The following CPAMD8 variants were observed in gnomAD, a reference collection of about 807,000 sequenced individuals.
CPAMD8 encodes C3 and PZP like alpha-2-macroglobulin domain containing 8.
In CPAMD8, 146 loss-of-function variants were observed where a neutral mutation model predicts 224.7. The observed-to-expected ratio is 0.65, with a 90% CI of 0.57 to 0.75. The LOEUF (loss-of-function observed/expected upper bound fraction) is 0.75, where lower values mean the gene tolerates loss of function less well. Ranked by LOEUF, CPAMD8 falls within the 30% of genes least tolerant of loss-of-function variation. The probability of loss-of-function intolerance (pLI) is 0.00; values close to 1 mark genes in which losing one functional copy is unlikely to be tolerated. For missense variants in CPAMD8, 2,301 were observed against 2,537.5 expected, an observed-to-expected ratio of 0.91 and a Z score of 2.00; for synonymous variants, 966 against 1,044.6, an observed-to-expected ratio of 0.92 and a Z score of 1.45.
intron 17 of CPAMD8, among the ~76,000 whole-genome samples, chr19:16,974,691 G>A (rs1030403755): frequency 5.9e-5 from 9 of 152,110 alleles, no homozygotes; most frequent in African/African-American, 1.7e-4. Context: ...GGAAGGCTGG[G>A]TGCAATGGCT....
intron 9 of CPAMD8, among the ~76,000 whole-genome samples, chr19:17,001,440 G>A (rs2056317498): frequency 1.1e-5 from 1 of 94,766 alleles, no homozygotes; most frequent in Admixed American, 8.8e-5. Flanking sequence ...GGGGGAGAGG[G>A]GAACATGGTG....
intron 29 of CPAMD8, among the ~76,000 whole-genome samples, chr19:16,908,362 T>TAA (rs58694833): frequency 6.9e-6 from 1 of 144,812 alleles, no homozygotes; most frequent in Non-Finnish European, 1.5e-5. Context: ...GACCTCATCT[T>TAA]AAAAAAAAAA....
intron 18 of CPAMD8, among the ~76,000 whole-genome samples, chr19:16,966,597 A>T (rs559732933): frequency 8.1e-4 from 123 of 152,334 alleles, no homozygotes; most frequent in Middle Eastern, 3.4e-3. Context: ...TACCCATCGG[A>T]CAAAGCGCTA....
Position 16,952,039 on chromosome 19 carries a change from G to A in CPAMD8, c.2438C>T (p.Ala813Val). 6.3e-7 allele frequency: 1 copy of A among 1,583,824 alleles called. No homozygotes were observed. Among genetic ancestry groups the A allele is most frequent in the Non-Finnish European group, 8.6e-7 (1 of 1,163,342 alleles). The change falls in exon 20 of 42, where the codon GCT becomes GTT. Residue 813 changes from alanine (A) to valine (V), a missense_variant. Ala to Val is a moderately conservative substitution (Grantham distance 64, BLOSUM62 0). This residue lies in a region of CPAMD8 where 1,709 missense variants were observed against 1,753.2 expected (regional missense o/e 0.97). Transcript: ENST00000443236. ...GACCTGCTCCCCACGGATGATGAGAGCGGGGAGCATGAAGTCCACGAAGAA... is the reference window on the plus strand; with the variant it reads ...GACCTGCTCCCCACGGATGATGAGAACGGGGAGCATGAAGTCCACGAAGAA... ...KPFFVDFMLP[A>V]LIIRGEQVKI... is the part of the protein sequence containing the mutation.
At chr19:16,897,522 G>A (rs918668963) in intron 39 of CPAMD8, 169 bp downstream of exon 39, 1 of 552,886 alleles carries the variant, frequency 1.8e-6, no homozygotes, top group Non-Finnish European at 3.2e-6. Context: ...CTCCAGCCCC[G>A]CCTCCCCCGT....
At chr19:16,925,973 C>G (rs1872999291) in intron 25 of CPAMD8, among the ~76,000 whole-genome samples, 1 of 151,948 alleles carries the variant, frequency 6.6e-6, no homozygotes, top group Non-Finnish European at 1.5e-5. Context: ...GTTGGCCAGG[C>G]TGGTCTTGAA....
chr19:17,023,121 A>G (rs2057000769), intron 1 of CPAMD8, among the ~76,000 whole-genome samples: 1 of 152,200 alleles, frequency 6.6e-6, no homozygotes, highest in Admixed American at 6.6e-5. Flanking sequence ...TCAAACAAAA[A>G]GAGCTCTGAA....
chr19:16,964,382 C>T (rs1278624234), intron 18 of CPAMD8, among the ~76,000 whole-genome samples: 5 of 152,142 alleles, frequency 3.3e-5, no homozygotes, highest in Admixed American at 6.5e-5. Flanking sequence ...CACAGAAATA[C>T]AAACTACCAT....
In CPAMD8 at chr19:16,969,601, C is replaced by T. The variant is rs181958192; in HGVS notation, c.2213+1290G>A. On this transcript the variant is annotated intron_variant, in intron 18 of 41. Coordinates refer to ENST00000443236, the MANE Select transcript of CPAMD8 (RefSeq NM_015692.5). Reference sequence around the variant, plus strand: ...GGCCCTTATAAAAGGGACTCTAGGCCGGGTGCAGAGGCTCACGCCTGTAAT... The same window carrying T: ...GGCCCTTATAAAAGGGACTCTAGGCTGGGTGCAGAGGCTCACGCCTGTAAT... 5.3e-5 allele frequency among the ~76,000 whole-genome samples: 8 copies of T among 152,188 alleles called. No individual in the cohort carries two copies. The South Asian group carries it at 6.2e-4, about 12-fold the overall frequency.
chr19:16,976,084 G>C lies in CPAMD8; in HGVS notation c.1826C>G (p.Ala609Gly). 1 of 1,612,810 alleles carries C rather than the reference G, an allele frequency of 6.2e-7. No individual in the cohort carries two copies. The highest frequency in any genetic ancestry group is 8.5e-7 in the Non-Finnish European group (1 of 1,179,210). The change falls in exon 16 of 42, where the codon GCA (alanine) becomes GGA (glycine). Residue 609 changes from alanine to glycine, a missense_variant. This residue lies in a region of CPAMD8 where 1,709 missense variants were observed against 1,753.2 expected (regional missense o/e 0.97). Coordinates refer to ENST00000443236, the MANE Select transcript of CPAMD8 (RefSeq NM_015692.5). ...GGCGACGCACACACAGCTGCCCCTT[G>C]CAGCCCTGATCCGCAGGTCGACAAC... The part of the protein sequence containing the change: ...GEVVDLRIRA[A>G]RGSCVCVAAV...
intron 20 of CPAMD8, 111 bp from the exon 21 acceptor site, chr19:16,947,338 C>G: frequency 3.0e-6 from 4 of 1,311,826 alleles, no homozygotes; most frequent in Non-Finnish European, 3.1e-6. Context: ...TTGTCAGCCT[C>G]CCAAAGAGCC....
intron 27 of CPAMD8, among the ~76,000 whole-genome samples, chr19:16,921,320 A>G (rs2053164763): frequency 6.6e-6 from 1 of 152,024 alleles, no homozygotes; most frequent in African/African-American, 2.4e-5. Context: ...GAGTCCGGCG[A>G]TGGGTACAGG....
chr19:16,934,199 G>A (rs183067339), intron 23 of CPAMD8, among the ~76,000 whole-genome samples: 423 of 152,220 alleles, frequency 2.8e-3, no homozygotes, highest in Middle Eastern at 6.8e-3. Flanking sequence ...GATTACAAAC[G>A]GGCATGACTC....
chr19:16,988,373 G>A lies in CPAMD8; in HGVS notation c.1395+1270C>T, dbSNP rs373407648. Among the ~76,000 whole-genome samples, 32 of 152,310 alleles carry A rather than the reference G, an allele frequency of 2.1e-4. 1 individual carries two copies. The East Asian group carries it at 6.0e-3, about 29-fold the overall frequency. ...CGCCTGTAATCCCAGCATTTTGGGA[G>A]GCCAAGGTGGGCAGATCACTTGAGG... On this transcript the variant is annotated intron_variant, in intron 13 of 41. Coordinates refer to ENST00000443236, the MANE Select transcript of CPAMD8 (RefSeq NM_015692.5).
intron 8 of CPAMD8, among the ~76,000 whole-genome samples, chr19:17,002,902 TTTC>T (rs1251678262): frequency 8.7e-6 from 1 of 114,706 alleles, no homozygotes; most frequent in South Asian, 2.5e-4. Context: ...TTTCTTTTCT[TTTC>T]TTTTCTTTTT....
intron 18 of CPAMD8, among the ~76,000 whole-genome samples, chr19:16,958,612 T>A (rs1016341316): frequency 2.6e-5 from 4 of 152,120 alleles, no homozygotes; most frequent in Admixed American, 6.5e-5. Flanking sequence ...GGTAGAATGA[T>A]TTATATTCCT....
chr19:16,990,017 C>T (rs778885042), intron 12 of CPAMD8, among the ~76,000 whole-genome samples: 7 of 152,078 alleles, frequency 4.6e-5, no homozygotes, highest in South Asian at 2.1e-4. Context: ...TTCGGGAGGC[C>T]GAGGCAGGTG....
intron 7 of CPAMD8, among the ~76,000 whole-genome samples, chr19:17,006,620 T>A (rs1299127744): frequency 6.6e-6 from 1 of 151,948 alleles, no homozygotes; most frequent in African/African-American, 2.4e-5. Flanking sequence ...GCACTCAACA[T>A]CTCTCTCCTG....
intron 2 of CPAMD8, 115 bp downstream of exon 2, chr19:17,021,915 T>A: frequency 2.8e-6 from 2 of 723,706 alleles, no homozygotes; most frequent in Admixed American, 3.2e-5. Context: ...CCCCTGGGGA[T>A]TTAGGGCAGA....
Sources: gnomAD v4.1 joint callset for allele counts (sites outside exome capture counted in the v4.1 genomes callset) on GRCh38, gnomAD v4.1.1 for gene constraint, gnomAD v4.1.1 regional missense constraint, MANE v1.5 for transcripts, NCBI Gene and HGNC (gene_info 2026-07-23, HGNC 2026-07-21) for gene names.